Variants in IFT81 observed in about 807,000 individuals in gnomAD.
The protein encoded by IFT81 is intraflagellar transport 81, also known as intraflagellar transport protein 81 homolog.
A neutral mutation model predicts 102.6 loss-of-function variants in IFT81; 72 were observed. The ratio of observed to expected loss-of-function variants is 0.70; its 90% confidence interval spans 0.58 to 0.85. The LOEUF (loss-of-function observed/expected upper bound fraction) is 0.85. Ranked by LOEUF, IFT81 falls within the 40% of genes least tolerant of loss-of-function variation. IFT81 has a pLI of 0.00. For missense variants in IFT81, 723 were observed against 787.3 expected, an observed-to-expected ratio of 0.92 and a Z score of 0.98; for synonymous variants, 237 against 242.7, an observed-to-expected ratio of 0.98 and a Z score of 0.22.
At position 110,209,173 on chromosome 12, in the gene IFT81, A is replaced by T. The variant is rs764336700; in HGVS notation, c.1805A>T (p.Glu602Val). 6.5e-7 allele frequency: 1 copy of T among 1,537,320 alleles called. No individual in the cohort carries two copies. The highest frequency in any genetic ancestry group is 2.3e-5 in the East Asian group (1 of 44,300). ...AAATCATTATGTTGACTCCCTAGGG[A>T]ACAGTATACCAAAAATACTGCTGAA... is the stretch of plus-strand genomic sequence containing the variant. Reference protein sequence around the residue: ...DQQEKRKAIREQYTKNTAEQE... With the variant: ...DQQEKRKAIRVQYTKNTAEQE... The change falls in exon 18 of 19, where the codon GAA (glutamate) becomes GTA (valine). Residue 602 changes from glutamate (E) to valine (V), a missense_variant and splice_region_variant. Glu to Val is a moderately radical substitution (Grantham distance 121). Transcript: ENST00000242591.
intron 7 of IFT81, 28 bp downstream of exon 7, chr12:110,135,465 G>C (rs750010271): frequency 1.5e-6 from 2 of 1,319,418 alleles, no homozygotes; most frequent in African/African-American, 2.9e-5. Context: ...TATATTCTCA[G>C]TATGAAGGAA....
chr12:110,133,180 C>T (rs11065127), intron 5 of IFT81, among the ~76,000 whole-genome samples: 37,978 of 151,616 alleles, frequency 0.25, 5,790 homozygotes, highest in East Asian at 0.67. Flanking sequence ...CCATGTTGCC[C>T]GGGTTGGTCT....
intron 4 of IFT81, among the ~76,000 whole-genome samples, chr12:110,131,563 G>C (rs1245074807): frequency 1.3e-5 from 2 of 151,922 alleles, no homozygotes; most frequent in African/African-American, 4.8e-5. Flanking sequence ...GGCCAGGCTG[G>C]TCTCGAACTC....
At chr12:110,131,694 C>G (rs1042832471) in intron 4 of IFT81, among the ~76,000 whole-genome samples, 1 of 152,074 alleles carries the variant, frequency 6.6e-6, no homozygotes, top group Non-Finnish European at 1.5e-5. Flanking sequence ...ATGCACTGTG[C>G]TAGGCCCTAG....
chr12:110,172,518 C>A (rs915797580), intron 11 of IFT81, among the ~76,000 whole-genome samples: 51 of 152,332 alleles, frequency 3.3e-4, no homozygotes, highest in African/African-American at 1.2e-3. Flanking sequence ...TGCCGAGTGC[C>A]TGCAATTGCA....
intron 14 of IFT81, among the ~76,000 whole-genome samples, chr12:110,198,152 CCTT>C (rs1898098528): frequency 6.6e-6 from 1 of 152,094 alleles, no homozygotes; most frequent in African/African-American, 2.4e-5. Context: ...GTATTTTACT[CCTT>C]ATTTCTGGAT....
At chr12:110,138,525 C>T (rs1275998655) in intron 8 of IFT81, among the ~76,000 whole-genome samples, 4 of 152,042 alleles carry the variant, frequency 2.6e-5, no homozygotes, top group African/African-American at 4.8e-5. Context: ...CTCCGCCTCC[C>T]GGGTTCAAGC....
chr12:110,130,045 A>G (rs1246329850), intron 4 of IFT81, among the ~76,000 whole-genome samples: 2 of 152,126 alleles, frequency 1.3e-5, no homozygotes, highest in Admixed American at 6.6e-5. Flanking sequence ...TGTTAGCTCA[A>G]TATTTGGATT....
At chr12:110,147,074 A>G (rs762579956) in intron 10 of IFT81, 26 bp downstream of exon 10, 5 of 1,556,844 alleles carry the variant, frequency 3.2e-6, no homozygotes, top group Admixed American at 1.9e-5. Context: ...TGGCTCACAT[A>G]TTTAGATCTG....
chr12:110,207,243 A>G (rs1441698015), intron 17 of IFT81, among the ~76,000 whole-genome samples: 1 of 152,066 alleles, frequency 6.6e-6, no homozygotes, highest in Non-Finnish European at 1.5e-5. Flanking sequence ...GTATTTTTGT[A>G]GAAATGGGGT....
intron 14 of IFT81, among the ~76,000 whole-genome samples, chr12:110,194,639 A>T: frequency 6.6e-6 from 1 of 152,160 alleles, no homozygotes; most frequent in East Asian, 1.9e-4. Flanking sequence ...TTATTTATTG[A>T]TTACTTTTTC....
At position 110,196,005 on chromosome 12, in the gene IFT81, C is replaced by T. The variant is rs113253215; in HGVS notation, c.1557+3299C>T. Among the ~76,000 whole-genome samples the T allele has an allele frequency of 1.9e-3, 295 of 152,252 alleles. 2 individuals are homozygous for T. Among genetic ancestry groups the T allele is most frequent in the African/African-American group, 6.7e-3 (280 of 41,542 alleles). On this transcript the variant is annotated intron_variant, in intron 14 of 18. Coordinates refer to ENST00000242591, the MANE Select transcript of IFT81 (RefSeq NM_014055.4). ...TTTTCCAGTTGTTGAGTACAGGGTT[C>T]TCCCTGTGTTCATCAGATCAGGCTT...
chr12:110,137,469 C>T (rs1894589330), intron 8 of IFT81, among the ~76,000 whole-genome samples: 1 of 152,134 alleles, frequency 6.6e-6, no homozygotes, highest in South Asian at 2.1e-4. Context: ...CGTGGTAGCT[C>T]ACACTTATAA....
intron 18 of IFT81, among the ~76,000 whole-genome samples, chr12:110,214,182 AT>A (rs763766128): frequency 3.3e-5 from 5 of 152,130 alleles, no homozygotes; most frequent in Non-Finnish European, 7.4e-5. Context: ...GAAAGCACAT[AT>A]TTGAATCAAA....
intron 18 of IFT81, among the ~76,000 whole-genome samples, chr12:110,217,094 T>C (rs1870234406): frequency 6.6e-6 from 1 of 151,950 alleles, no homozygotes; most frequent in South Asian, 2.1e-4. Context: ...TGACTTAGAG[T>C]CTCATAGTGG....
intron 11 of IFT81, among the ~76,000 whole-genome samples, chr12:110,172,478 A>G (rs1220393543): frequency 1.3e-5 from 2 of 150,708 alleles, no homozygotes; most frequent in Non-Finnish European, 3.0e-5. Context: ...GCTCACTGCA[A>G]CCTCCCTGCC....
chr12:110,165,570 C>G (rs1331244855), intron 11 of IFT81, among the ~76,000 whole-genome samples: 1 of 152,172 alleles, frequency 6.6e-6, no homozygotes, highest in Non-Finnish European at 1.5e-5. Flanking sequence ...AAGGGGGACT[C>G]ACATTTATTG....
Position 110,150,612 on chromosome 12 carries a change from C to T in IFT81, c.1041+3564C>T, listed in dbSNP as rs1391733344. On this transcript the variant is annotated intron_variant, in intron 10 of 18. Coordinates refer to ENST00000242591, the MANE Select transcript of IFT81 (RefSeq NM_014055.4). ...AATTTAATTCATAATTTGCTTTTGT[C>T]CAGTGGAACCAACATAAATTTATCA... 3.3e-5 allele frequency among the ~76,000 whole-genome samples: 5 copies of T among 152,102 alleles called. No individual in the cohort carries two copies. In the East Asian group the frequency reaches 9.6e-4, roughly 29 times the overall value.
In IFT81 at chr12:110,127,474, A is replaced by G; in HGVS notation, c.94A>G (p.Met32Val). Residue 32 changes from methionine (M) to valine (V), a missense_variant, in exon 2 of 19, where the codon ATG becomes GTG. Transcript: ENST00000242591. The stretch of plus-strand genomic sequence containing the variant: ...AATCACGTTTGATTCCTTGGAGCCA[A>G]TGCAACTATTACAAGTTCTCAGTGA... ...NLITFDSLEP[M>V]QLLQVLSDVL... 2 of 1,610,538 alleles carry G rather than the reference A, an allele frequency of 1.2e-6. No individual in the cohort carries two copies. Among genetic ancestry groups the G allele is most frequent in the Middle Eastern group, 1.7e-4 (1 of 6,052 alleles).
Sources: allele counts gnomAD v4.1 joint callset (sites outside exome capture counted in the v4.1 genomes callset), GRCh38; gene constraint gnomAD v4.1.1; transcripts MANE v1.5; gene names NCBI Gene and HGNC (gene_info 2026-07-23, HGNC 2026-07-21).